Variants in SUGCT observed in about 807,000 individuals in gnomAD.
SUGCT encodes succinyl-CoA:glutarate-CoA transferase.
Under a neutral mutation model 55.0 loss-of-function variants are expected in SUGCT, and 41 were observed. The ratio of observed to expected loss-of-function variants is 0.74; its 90% CI spans 0.58 to 0.97. SUGCT has a LOEUF of 0.97. Ranked by LOEUF, SUGCT falls within the 50% of genes least tolerant of loss-of-function variation. SUGCT has a pLI of 0.00. For synonymous variants in SUGCT, 187 were observed against 200.4 expected (o/e 0.93, Z 0.56); for missense variants, 568 against 547.8 (o/e 1.04, Z -0.37).
intron 12 of SUGCT, among the ~76,000 whole-genome samples, chr7:40,696,496 G>A (rs1435799951): frequency 2.6e-5 from 4 of 152,078 alleles, no homozygotes; most frequent in Non-Finnish European, 5.9e-5. Context: ...CCCCTGTGCT[G>A]TCATGAAATG....
chr7:40,610,526 TAA>T (rs1478519355), intron 12 of SUGCT, among the ~76,000 whole-genome samples: 1 of 152,158 alleles, frequency 6.6e-6, no homozygotes, highest in East Asian at 1.9e-4. Context: ...ATATAATACA[TAA>T]GTCAGAAAAA....
chr7:40,905,497 A>G, the SUGCT span, among the ~76,000 whole-genome samples: 1 of 152,150 alleles, frequency 6.6e-6, no homozygotes, highest in Admixed American at 6.5e-5. Flanking sequence ...CAAGTTTTTT[A>G]TCACTACACT....
At chr7:40,614,107 TTATAAACAACC>T in intron 12 of SUGCT, among the ~76,000 whole-genome samples, 1 of 152,088 alleles carries the variant, frequency 6.6e-6, no homozygotes, top group Non-Finnish European at 1.5e-5. Flanking sequence ...AAGCCAAAAA[TTATAAACAACC>T]CCAAGGCTGT....
At chr7:40,944,985 A>C in the SUGCT span, among the ~76,000 whole-genome samples, 7,739 of 152,144 alleles carry the variant, frequency 0.051, 293 homozygotes, top group South Asian at 0.16. Flanking sequence ...AGGTCTCTTG[A>C]GGCTTATGTC....
the SUGCT span, among the ~76,000 whole-genome samples, chr7:40,971,173 C>T: frequency 6.6e-6 from 1 of 152,088 alleles, no homozygotes; most frequent in Non-Finnish European, 1.5e-5. Flanking sequence ...TGGAAGCAGG[C>T]ATGTCACATG....
At chr7:40,234,004 T>C (rs1174738171) in intron 6 of SUGCT, among the ~76,000 whole-genome samples, 3 of 152,228 alleles carry the variant, frequency 2.0e-5, no homozygotes, top group South Asian at 2.1e-4. Context: ...TTCTCTTTAA[T>C]AGAAATACTT....
At chr7:40,612,383 C>A (rs1798808102) in intron 12 of SUGCT, among the ~76,000 whole-genome samples, 1 of 152,136 alleles carries the variant, frequency 6.6e-6, no homozygotes, top group African/African-American at 2.4e-5. Flanking sequence ...AGGCCCTTAC[C>A]CACTTAGAGA....
chr7:40,510,552 C>T (rs1562827176), intron 12 of SUGCT, among the ~76,000 whole-genome samples: 1 of 152,048 alleles, frequency 6.6e-6, no homozygotes, highest in Non-Finnish European at 1.5e-5. Context: ...CCATACTTTA[C>T]CTCAAATATA....
chr7:40,229,838 G>A (rs1419649440), intron 6 of SUGCT, among the ~76,000 whole-genome samples: 9 of 148,114 alleles, frequency 6.1e-5, no homozygotes, highest in Non-Finnish European at 3.0e-5. Flanking sequence ...AAAAGCATCA[G>A]GAGTTTATAC....
intron 11 of SUGCT, among the ~76,000 whole-genome samples, chr7:40,487,616 T>A (rs557154347): frequency 6.6e-6 from 1 of 152,140 alleles, no homozygotes; most frequent in Non-Finnish European, 1.5e-5. Context: ...TATTAAAATC[T>A]TTTACTACTA....
chr7:40,644,885 T>C (rs971529579), intron 12 of SUGCT, among the ~76,000 whole-genome samples: 3 of 152,194 alleles, frequency 2.0e-5, no homozygotes, highest in Admixed American at 1.3e-4. Flanking sequence ...TGTCCGCACC[T>C]GGGTCCACGG....
At chr7:40,217,933 G>A (rs1287805358) in intron 6 of SUGCT, among the ~76,000 whole-genome samples, 1 of 152,128 alleles carries the variant, frequency 6.6e-6, no homozygotes, top group Non-Finnish European at 1.5e-5. Context: ...AATAAAGGGG[G>A]CCAGGTGTGG....
chr7:40,833,661 C>CA (rs1792811896), intron 13 of SUGCT, among the ~76,000 whole-genome samples: 1 of 152,206 alleles, frequency 6.6e-6, no homozygotes, highest in Admixed American at 6.5e-5. Flanking sequence ...ATCATTAATG[C>CA]ATAGCCACCT....
intron 9 of SUGCT, among the ~76,000 whole-genome samples, chr7:40,329,699 G>A (rs1184074339): frequency 6.6e-6 from 1 of 152,092 alleles, no homozygotes; most frequent in African/African-American, 2.4e-5. Context: ...GTGTGCACAG[G>A]TGATTTGTTT....
intron 6 of SUGCT, among the ~76,000 whole-genome samples, chr7:40,225,786 C>T (rs532494903): frequency 9.9e-5 from 15 of 152,204 alleles, no homozygotes; most frequent in Non-Finnish European, 2.1e-4. Context: ...AAATATTACT[C>T]ATAGTAATGA....
intron 9 of SUGCT, among the ~76,000 whole-genome samples, chr7:40,333,703 A>AT (rs1491099788): frequency 0.013 from 1,588 of 124,660 alleles, 46 homozygotes; most frequent in Non-Finnish European, 0.023. Context: ...ATATATATAT[A>AT]AATATTTATA....
chr7:40,563,143 C>T (rs1017533633), intron 12 of SUGCT, among the ~76,000 whole-genome samples: 1 of 152,126 alleles, frequency 6.6e-6, no homozygotes, highest in African/African-American at 2.4e-5. Context: ...TTCTTAGCAG[C>T]AGGGAGTGGT....
chr7:40,207,245 G>A (rs983797054), intron 6 of SUGCT, among the ~76,000 whole-genome samples: 4 of 152,046 alleles, frequency 2.6e-5, no homozygotes, highest in Non-Finnish European at 5.9e-5. Context: ...ATTAGGAAAT[G>A]GGCAAAGGAC....
intron 12 of SUGCT, among the ~76,000 whole-genome samples, chr7:40,707,551 G>T (rs965593964): frequency 1.3e-5 from 2 of 152,184 alleles, no homozygotes; most frequent in South Asian, 2.1e-4. Context: ...TTGCATTTTA[G>T]TGGTGAGATA....
Sources: allele counts gnomAD v4.1 joint callset (sites outside exome capture counted in the v4.1 genomes callset), GRCh38; gene constraint gnomAD v4.1.1; transcripts MANE v1.5; gene names NCBI Gene and HGNC (gene_info 2026-07-23, HGNC 2026-07-21).